The following GAL3ST2 variants were observed in gnomAD, a reference collection of about 807,000 sequenced individuals.
The protein encoded by GAL3ST2 is beta-galactose-3-O-sulfotransferase 2.
A neutral mutation model predicts 12.9 loss-of-function variants in GAL3ST2; 16 were observed. That is an observed-to-expected ratio of 1.24 (90% confidence interval 0.84 to 1.88). GAL3ST2 has a LOEUF of 1.88. GAL3ST2 is among the 40% of genes most tolerant of loss of function. The probability of loss-of-function intolerance (pLI) is 0.00; values close to 1 mark genes in which losing one functional copy is unlikely to be tolerated. For synonymous variants in GAL3ST2, 302 were observed against 273.9 expected (o/e 1.10, Z -1.01); for missense variants, 639 against 571.8 (o/e 1.12, Z -1.20).
At chr2:241,796,041 G>A (rs937042396) in intron 1 of GAL3ST2, among the ~76,000 whole-genome samples, 3 of 152,238 alleles carry the variant, frequency 2.0e-5, no homozygotes, top group Non-Finnish European at 2.9e-5. Flanking sequence ...CGCGTGTGCC[G>A]TGAGGATGAA....
chr2:241,803,349 A>C lies in GAL3ST2; in HGVS notation c.380A>C (p.Gln127Pro), dbSNP rs1209239007. ...CGCCTCTCTGTCGCCACACAGGTGCAGAAAGTCATGCCCAACGACACCTTC... is the reference window on the plus strand; with the variant it reads ...CGCCTCTCTGTCGCCACACAGGTGCCGAAAGTCATGCCCAACGACACCTTC... ...NHLRFNLPQVQKVMPNDTFYF... is the reference protein window; with the variant it reads ...NHLRFNLPQVPKVMPNDTFYF... Residue 127 changes from glutamine to proline, a missense_variant, in exon 4 of 4, where the codon CAG becomes CCG. Physicochemically the swap from Gln to Pro is moderately conservative, Grantham distance 76. Coordinates refer to ENST00000192314, the MANE Select transcript of GAL3ST2 (RefSeq NM_022134.3). The C allele has an allele frequency of 1.3e-6, 2 of 1,596,160 alleles. No individual in the cohort carries two copies. Among genetic ancestry groups the C allele is most frequent in the Admixed American group, 1.7e-5 (1 of 58,800 alleles).
chr2:241,802,427 C>G lies in GAL3ST2; in HGVS notation c.375+391C>G, dbSNP rs1699865350. ...GAGCCGGCTTCCCCCCAGGGCTTCC[C>G]TGACCTTCCTTACAAAGGAAGCAGG... On this transcript the variant is annotated intron_variant, in intron 3 of 3. Transcript: ENST00000192314. The surrounding 1 kb of genome is among the most constrained non-coding windows in gnomAD (Gnocchi z 4.8). Among the ~76,000 whole-genome samples, 1 of 152,184 alleles carries G rather than the reference C, an allele frequency of 6.6e-6. No homozygotes were observed. Among genetic ancestry groups the G allele is most frequent in the Non-Finnish European group, 1.5e-5 (1 of 68,014 alleles).
intron 1 of GAL3ST2, among the ~76,000 whole-genome samples, chr2:241,794,487 A>C (rs1699747101): frequency 6.6e-6 from 1 of 152,140 alleles, no homozygotes; most frequent in South Asian, 2.1e-4. Context: ...TGCTGGGGCC[A>C]TTTGTCTGGG....
At chr2:241,779,790 A>C (rs1699543521) in intron 1 of GAL3ST2, among the ~76,000 whole-genome samples, 1 of 151,660 alleles carries the variant, frequency 6.6e-6, no homozygotes, top group Admixed American at 6.6e-5. Context: ...GTTTGAGAAC[A>C]GCCTGACCAA....
Position 241,803,671 on chromosome 2 carries a change from G to A in GAL3ST2, c.702G>A (p.Leu234=), listed in dbSNP as rs768555757. Residue 234 remains leucine (L), a synonymous_variant, in exon 4 of 4, where the codon CTG becomes CTA. Coordinates refer to ENST00000192314, the MANE Select transcript of GAL3ST2 (RefSeq NM_022134.3). The part of the protein sequence containing the change: ...VLIAEHLDES[L]VLLRRRLRWA... ...TCGCCGAGCACCTGGACGAGTCCCT[G>A]GTGCTGCTGCGGCGCCGGCTGCGCT... is the stretch of plus-strand genomic sequence containing the variant. The A allele has an allele frequency of 1.5e-5, 23 of 1,547,780 alleles. No individual in the cohort carries two copies. In the East Asian group the frequency reaches 5.6e-4, roughly 38 times the overall value.
chr2:241,794,668 G>A lies in GAL3ST2; in HGVS notation c.30-4397G>A, dbSNP rs546831080. On this transcript the variant is annotated intron_variant, in intron 1 of 3. Coordinates refer to ENST00000192314, the MANE Select transcript of GAL3ST2 (RefSeq NM_022134.3). ...AGGAAGTTTGAGGCTCTTTGGGAACGACTGAGCTACTCTGGCAACCCCCAG... is the reference window on the plus strand; with the variant it reads ...AGGAAGTTTGAGGCTCTTTGGGAACAACTGAGCTACTCTGGCAACCCCCAG... Among the ~76,000 whole-genome samples, 30 of 152,286 alleles carry A rather than the reference G, an allele frequency of 2.0e-4. No homozygotes were observed. The South Asian group carries it at 2.9e-3, about 15-fold the overall frequency.
In GAL3ST2 at chr2:241,801,713, G is replaced by A. The variant is rs1699849697; in HGVS notation, c.120-68G>A. 3.2e-6 allele frequency: 5 copies of A among 1,554,690 alleles called. No homozygotes were observed. The highest frequency in any genetic ancestry group is 4.3e-6 in the Non-Finnish European group (5 of 1,153,672). ...CTCTCCTTGCGGTTGCCGGGCTGGG[G>A]GTCGCTGTTGGGCGGGGGTTGGGGC... On this transcript the variant is annotated intron_variant, in intron 2 of 3. Coordinates refer to ENST00000192314, the MANE Select transcript of GAL3ST2 (RefSeq NM_022134.3). The surrounding 1 kb of genome is among the most constrained non-coding windows in gnomAD (Gnocchi z 4.4).
chr2:241,804,234 C>A lies in GAL3ST2; in HGVS notation c.*68C>A. ...CTCTCTCCGCCGTCACCGGGGAGGCCGGGGATCCTTGCAGGGCTTCTGGGG... is the reference window on the plus strand; with the variant it reads ...CTCTCTCCGCCGTCACCGGGGAGGCAGGGGATCCTTGCAGGGCTTCTGGGG... On this transcript the variant is annotated 3_prime_UTR_variant, in exon 4 of 4. Coordinates refer to ENST00000192314, the MANE Select transcript of GAL3ST2 (RefSeq NM_022134.3). 1.5e-6 allele frequency: 2 copies of A among 1,305,732 alleles called. No individual in the cohort carries two copies. Among genetic ancestry groups the A allele is most frequent in the East Asian group, 3.1e-5 (1 of 32,312 alleles). 80.9% of individuals were successfully genotyped at this position (1,305,732 alleles called of 1,614,324 possible).
intron 1 of GAL3ST2, among the ~76,000 whole-genome samples, chr2:241,794,411 C>T (rs771207030): frequency 2.0e-5 from 3 of 152,216 alleles, no homozygotes; most frequent in Non-Finnish European, 4.4e-5. Flanking sequence ...CCCCTCTGTC[C>T]CCACTGGAAC....
chr2:241,797,991 G>C (rs111668373), intron 1 of GAL3ST2, among the ~76,000 whole-genome samples: 1 of 152,134 alleles, frequency 6.6e-6, no homozygotes, highest in African/African-American at 2.4e-5. Context: ...GAGACGCTAC[G>C]GCCCACGTGG....
intron 1 of GAL3ST2, among the ~76,000 whole-genome samples, chr2:241,788,561 TGA>T (rs1699655034): frequency 6.6e-6 from 1 of 152,152 alleles, no homozygotes; most frequent in East Asian, 1.9e-4. Context: ...CATAGGTAAA[TGA>T]GAGACTGAGT....
chr2:241,785,051 C>T (rs1211347770), intron 1 of GAL3ST2, among the ~76,000 whole-genome samples: 1 of 152,138 alleles, frequency 6.6e-6, no homozygotes, highest in Non-Finnish European at 1.5e-5. Flanking sequence ...TGGGCAGAGC[C>T]CACACTGAAT....
intron 1 of GAL3ST2, among the ~76,000 whole-genome samples, chr2:241,785,703 G>A (rs779980598): frequency 6.6e-6 from 1 of 152,036 alleles, no homozygotes; most frequent in Non-Finnish European, 1.5e-5. Context: ...GCAGCAGAGG[G>A]TGCAAGATAA....
In GAL3ST2 at chr2:241,801,698, G is replaced by T; in HGVS notation, c.120-83G>T. On this transcript the variant is annotated intron_variant, in intron 2 of 3. Coordinates refer to ENST00000192314, the MANE Select transcript of GAL3ST2 (RefSeq NM_022134.3). The surrounding 1 kb of genome is among the most constrained non-coding windows in gnomAD (Gnocchi z 4.4). ...CTCAGGTTGGGAGGTCTCTCCTTGCGGTTGCCGGGCTGGGGGTCGCTGTTG... is the reference window on the plus strand; with the variant it reads ...CTCAGGTTGGGAGGTCTCTCCTTGCTGTTGCCGGGCTGGGGGTCGCTGTTG... The T allele has an allele frequency of 6.5e-7, 1 of 1,526,892 alleles. No individual in the cohort carries two copies. The highest frequency in any genetic ancestry group is 8.8e-7 in the Non-Finnish European group (1 of 1,138,960). 94.6% of individuals were successfully genotyped at this position (1,526,892 alleles called of 1,614,324 possible).
intron 1 of GAL3ST2, among the ~76,000 whole-genome samples, chr2:241,792,448 A>G (rs902538518): frequency 1.3e-5 from 2 of 152,116 alleles, no homozygotes; most frequent in Non-Finnish European, 2.9e-5. Context: ...ACCTATTTTC[A>G]TACATAAGCC....
intron 1 of GAL3ST2, among the ~76,000 whole-genome samples, chr2:241,790,418 T>G (rs770584364): frequency 3.3e-5 from 5 of 152,230 alleles, no homozygotes; most frequent in Non-Finnish European, 7.3e-5. Flanking sequence ...TCTTTTGAGC[T>G]ATTGACAGCT....
In GAL3ST2 at chr2:241,803,893, G is replaced by A. The variant is rs1245915478; in HGVS notation, c.924G>A (p.Glu308=). 3 of 1,416,224 alleles carry A rather than the reference G, an allele frequency of 2.1e-6. No homozygotes were observed. Among genetic ancestry groups the A allele is most frequent in the East Asian group, 6.0e-5 (2 of 33,600 alleles). The allele number at this position is 1,416,224 out of a possible 1,614,324, so 87.7% of individuals were successfully genotyped here. A position where few individuals can be genotyped will look rare whatever the true frequency, so the allele number is the denominator to read the frequency against. The part of the protein sequence containing the change: ...LGPRRLRGEV[E]RLRARRRELA... The stretch of plus-strand genomic sequence containing the variant: ...CGCGGCGGCTGCGCGGGGAGGTGGA[G>A]CGGCTGCGCGCCCGGAGGCGCGAAC... The change falls in exon 4 of 4, where the codon GAG becomes GAA. Residue 308 remains glutamate, a synonymous_variant. Transcript: ENST00000192314.
chr2:241,799,190 T>A, intron 2 of GAL3ST2, 36 bp downstream of exon 2: 1 of 1,362,600 alleles, frequency 7.3e-7, no homozygotes, highest in Non-Finnish European at 1.1e-6. Flanking sequence ...CTGCCCCGGG[T>A]ACCTCCTAAC....
At position 241,801,521 on chromosome 2, in the gene GAL3ST2, C is replaced by T; in HGVS notation, c.120-260C>T. The T allele has an allele frequency of 1.8e-6, 1 of 545,828 alleles. No homozygotes were observed. Among genetic ancestry groups the T allele is most frequent in the South Asian group, 2.4e-5 (1 of 41,512 alleles). 33.8% of individuals were successfully genotyped at this position (545,828 alleles called of 1,614,324 possible). On this transcript the variant is annotated intron_variant, in intron 2 of 3. Transcript: ENST00000192314. This position sits in a 1 kb window ranked among gnomAD's most constrained non-coding sequence, Gnocchi z 4.4. ...TTCATTTAGGGTTTTATTTTTAGTT[C>T]TCGGGGGCACAGGGTTGGGGGAGCA...
Sources: allele counts gnomAD v4.1 joint callset (sites outside exome capture counted in the v4.1 genomes callset), GRCh38; gene constraint gnomAD v4.1.1; non-coding constraint Gnocchi (gnomAD v3.1); transcripts MANE v1.5; gene names NCBI Gene and HGNC (gene_info 2026-07-23, HGNC 2026-07-21).